The following ENPP3 variants were observed in gnomAD, a reference collection of about 807,000 sequenced individuals.
ENPP3 encodes ectonucleotide pyrophosphatase/phosphodiesterase family member 3.
A neutral mutation model predicts 117.8 loss-of-function variants in ENPP3; 104 were observed. That is an observed-to-expected ratio of 0.88 (90% CI 0.75 to 1.04). The LOEUF is 1.04. ENPP3 is among the 50% of genes least tolerant of loss of function. ENPP3 has a pLI of 0.00. For synonymous variants in ENPP3, 380 were observed against 349.9 expected, an observed-to-expected ratio of 1.09 and a Z score of -0.96; for missense variants, 1,026 against 1,051.9, an observed-to-expected ratio of 0.98 and a Z score of 0.34.
intron 11 of ENPP3, among the ~76,000 whole-genome samples, chr6:131,679,025 CCT>C (rs1778953634): frequency 4.6e-5 from 5 of 108,606 alleles, no homozygotes; most frequent in African/African-American, 2.0e-4. Flanking sequence ...TTCCTTCCTT[CCT>C]TCTTTCTTTC....
At chr6:131,734,396 T>C (rs1225848583) in intron 21 of ENPP3, among the ~76,000 whole-genome samples, 4 of 152,190 alleles carry the variant, frequency 2.6e-5, no homozygotes, top group Admixed American at 2.6e-4. Context: ...TTTATTAACT[T>C]GCCTATGAGA....
At chr6:131,642,161 T>C (rs578179629) in intron 2 of ENPP3, among the ~76,000 whole-genome samples, 1 of 152,178 alleles carries the variant, frequency 6.6e-6, no homozygotes, top group Non-Finnish European at 1.5e-5. Context: ...CCCACTGTCA[T>C]TTTCAACATC....
rs753892883 is a variant in ENPP3 at position 131,738,070 on chromosome 6, A to G, written c.2207A>G (p.His736Arg). The G allele has an allele frequency of 1.2e-6, 2 of 1,606,820 alleles. No individual in the cohort carries two copies. Among genetic ancestry groups the G allele is most frequent in the Non-Finnish European group, 8.5e-7 (1 of 1,174,812 alleles). Residue 736 changes from histidine (H) to arginine (R), a missense_variant, in exon 23 of 25, where the codon CAT becomes CGT. His to Arg is a conservative substitution (Grantham distance 29). Transcript: ENST00000357639. Reference protein sequence around the residue: ...DYFHSVLLIKHATERNGVNVV... With the variant: ...DYFHSVLLIKRATERNGVNVV... Reference sequence around the variant, plus strand: ...TTCCACAGTGTTCTTCTTATAAAACATGCCACAGAAAGAAATGGAGTAAAT... The same window carrying G: ...TTCCACAGTGTTCTTCTTATAAAACGTGCCACAGAAAGAAATGGAGTAAAT...
At chr6:131,733,234 T>A (rs1780323684) in intron 20 of ENPP3, among the ~76,000 whole-genome samples, 1 of 152,212 alleles carries the variant, frequency 6.6e-6, no homozygotes, top group Admixed American at 6.5e-5. Flanking sequence ...CATTTTACTT[T>A]CAATTTTTAT....
intron 20 of ENPP3, among the ~76,000 whole-genome samples, chr6:131,727,415 CG>C (rs1410949283): frequency 1.3e-5 from 2 of 151,756 alleles, no homozygotes; most frequent in Non-Finnish European, 2.9e-5. Context: ...ATTAGGCAGG[CG>C]GGGTGGCATA....
chr6:131,725,671 C>G (rs1023984059), intron 19 of ENPP3, among the ~76,000 whole-genome samples: 2 of 152,144 alleles, frequency 1.3e-5, no homozygotes, highest in African/African-American at 4.8e-5. Context: ...ATCTTTGTTA[C>G]AAAGTATGTA....
rs550999971 is a variant in ENPP3, at chr6:131,673,718, CAGAA to C, written c.643-426_643-423del. Among the ~76,000 whole-genome samples, 118 of 120,262 alleles carry C rather than the reference CAGAA, an allele frequency of 9.8e-4. 1 individual carries two copies. Among genetic ancestry groups the C allele is most frequent in the African/African-American group, 9.5e-4 (22 of 23,260 alleles). The allele number at this position is 120,262 out of a possible 152,430, so 78.9% of individuals were successfully genotyped here. A position where few individuals can be genotyped will look rare whatever the true frequency, so the allele number is the denominator to read the frequency against. On this transcript the variant is annotated intron_variant, in intron 7 of 24. Transcript: ENST00000357639. The stretch of plus-strand genomic sequence containing the variant: ...AAGAAAAGACAGACAGACAGACAGA[CAGAA>C]AGAAAGAAAGAAAGAAAATATTTGG...
chr6:131,676,907 A>G (rs1778881014), intron 10 of ENPP3, 106 bp downstream of exon 10: 3 of 723,456 alleles, frequency 4.1e-6, no homozygotes, highest in African/African-American at 3.6e-5. Flanking sequence ...TATTTTCGAA[A>G]CGACGTGGCA....
intron 14 of ENPP3, among the ~76,000 whole-genome samples, chr6:131,686,611 A>C (rs1779159197): frequency 2.0e-5 from 3 of 152,174 alleles, no homozygotes; most frequent in Non-Finnish European, 4.4e-5. Context: ...TATGGAACCT[A>C]TCATCCTGGT....
In ENPP3 at chr6:131,700,849, T is replaced by C. The variant is rs749006568; in HGVS notation, c.1412+7225T>C. The C allele has an allele frequency of 6.7e-6, 8 of 1,186,502 alleles. No homozygotes were observed. Among genetic ancestry groups the C allele is most frequent in the Non-Finnish European group, 9.2e-6 (8 of 866,032 alleles). 73.5% of individuals were successfully genotyped at this position (1,186,502 alleles called of 1,614,324 possible). ...ATGTGGGTATCTGCACAGGCAAGTT[T>C]GAGAACAGCCAAGATTTCACAAAAA... is the stretch of plus-strand genomic sequence containing the variant. On this transcript the variant is annotated intron_variant, in intron 15 of 24. Transcript: ENST00000357639.
chr6:131,694,709 C>T (rs1011927164), intron 15 of ENPP3, among the ~76,000 whole-genome samples: 1 of 151,892 alleles, frequency 6.6e-6, no homozygotes, highest in African/African-American at 2.4e-5. Context: ...ATGGTAGCAC[C>T]TGTAATCCAA....
intron 2 of ENPP3, 77 bp downstream of exon 2, chr6:131,641,607 C>G (rs1194982187): frequency 1.1e-6 from 1 of 923,366 alleles, no homozygotes; most frequent in African/African-American, 1.6e-5. Flanking sequence ...AAATGTATCT[C>G]CCATCCCAAG....
At chr6:131,692,057 T>G (rs1779292544) in intron 14 of ENPP3, among the ~76,000 whole-genome samples, 1 of 151,680 alleles carries the variant, frequency 6.6e-6, no homozygotes, top group Non-Finnish European at 1.5e-5. Context: ...GTGTAAATTA[T>G]GTGCTTCATA....
chr6:131,738,659 A>G (rs1202495602), intron 23 of ENPP3, among the ~76,000 whole-genome samples: 3 of 152,198 alleles, frequency 2.0e-5, no homozygotes, highest in Admixed American at 2.0e-4. Context: ...ACTAGTCCTA[A>G]CTAAACTGTA....
chr6:131,651,862 T>C (rs1778270609), intron 3 of ENPP3, among the ~76,000 whole-genome samples: 1 of 152,186 alleles, frequency 6.6e-6, no homozygotes, highest in Non-Finnish European at 1.5e-5. Flanking sequence ...TATATGTAAC[T>C]GAAGTGGACA....
At chr6:131,653,865 A>G (rs977367136) in intron 5 of ENPP3, among the ~76,000 whole-genome samples, 1 of 152,082 alleles carries the variant, frequency 6.6e-6, no homozygotes, top group African/African-American at 2.4e-5. Context: ...ACGTGAGGTG[A>G]CACTCCTACC....
intron 12 of ENPP3, 148 bp from the exon 13 acceptor site, chr6:131,685,216 A>G: frequency 2.9e-6 from 2 of 681,128 alleles, no homozygotes; most frequent in East Asian, 2.7e-5. Context: ...TTTCTGCCAG[A>G]GTAGAGTAAT....
chr6:131,727,392 C>G (rs1780176336), intron 20 of ENPP3, among the ~76,000 whole-genome samples: 1 of 151,862 alleles, frequency 6.6e-6, no homozygotes, highest in East Asian at 1.9e-4. Context: ...CTCATCTCTA[C>G]TAAAAACACA....
intron 6 of ENPP3, among the ~76,000 whole-genome samples, chr6:131,662,429 A>G (rs1001789064): frequency 3.3e-5 from 5 of 152,012 alleles, no homozygotes; most frequent in Non-Finnish European, 7.4e-5. Context: ...TTTTGTACAG[A>G]TGGCATTTTG....
Sources: gnomAD v4.1 joint callset for allele counts (sites outside exome capture counted in the v4.1 genomes callset) on GRCh38, gnomAD v4.1.1 for gene constraint, MANE v1.5 for transcripts, NCBI Gene and HGNC (gene_info 2026-07-23, HGNC 2026-07-21) for gene names.